The following CSMD1 variants were observed in gnomAD, a reference collection of about 807,000 sequenced individuals.
CSMD1 encodes CUB and sushi domain-containing protein 1.
CSMD1 carries 213 observed loss-of-function variants against 417.5 expected under a neutral mutation model. That is an observed-to-expected ratio of 0.51 (90% CI 0.46 to 0.57). CSMD1 has a LOEUF of 0.57. CSMD1 is among the 20% of genes least tolerant of loss of function. The pLI, the probability that CSMD1 is intolerant of heterozygous loss-of-function variation, is 0.00. For synonymous variants in CSMD1, 2,862 were observed against 1,736.8 expected (o/e 1.65, Z -16.11); for missense variants, 6,923 against 4,529.7 (o/e 1.53, Z -15.17).
At chr8:4,488,752 G>T (rs1444936015) in intron 2 of CSMD1, among the ~76,000 whole-genome samples, 6 of 151,914 alleles carry the variant, frequency 3.9e-5, no homozygotes, top group Non-Finnish European at 8.8e-5. Context: ...GCCCTCAGAA[G>T]TCAGCTATGA....
At chr8:4,092,368 C>G (rs1475233135) in intron 3 of CSMD1, among the ~76,000 whole-genome samples, 1 of 152,148 alleles carries the variant, frequency 6.6e-6, no homozygotes, top group Non-Finnish European at 1.5e-5. Context: ...CTTCAGCCAC[C>G]AGGGCTGCTG....
intron 3 of CSMD1, among the ~76,000 whole-genome samples, chr8:4,319,386 T>A (rs1313465423): frequency 6.6e-6 from 1 of 152,152 alleles, no homozygotes; most frequent in African/African-American, 2.4e-5. Context: ...ATACTGAGCC[T>A]CTGGGGCCCA....
At chr8:4,072,427 T>G (rs1193734292) in intron 3 of CSMD1, among the ~76,000 whole-genome samples, 1 of 152,220 alleles carries the variant, frequency 6.6e-6, no homozygotes, top group Non-Finnish European at 1.5e-5. Context: ...ATTATATTAT[T>G]TCAATTCTTA....
intron 3 of CSMD1, among the ~76,000 whole-genome samples, chr8:4,286,128 A>G (rs1279206653): frequency 6.6e-6 from 1 of 152,034 alleles, no homozygotes; most frequent in East Asian, 1.9e-4. Flanking sequence ...CGATATGCGC[A>G]CATAACGTTT....
chr8:4,696,690 G>C (rs1475337736), intron 1 of CSMD1, among the ~76,000 whole-genome samples: 1 of 152,146 alleles, frequency 6.6e-6, no homozygotes, highest in Non-Finnish European at 1.5e-5. Flanking sequence ...GAGAAGGTAT[G>C]ACCCATGAAG....
chr8:4,380,458 C>G (rs917150145), intron 3 of CSMD1, among the ~76,000 whole-genome samples: 5 of 152,162 alleles, frequency 3.3e-5, no homozygotes, highest in African/African-American at 9.7e-5. Context: ...ACCAGTCGGC[C>G]TCCAATCTGT....
intron 1 of CSMD1, among the ~76,000 whole-genome samples, chr8:4,977,138 T>C (rs887903162): frequency 6.6e-6 from 1 of 152,240 alleles, no homozygotes; most frequent in African/African-American, 2.4e-5. Flanking sequence ...AAAATGTTCC[T>C]ATAGTAATGA....
chr8:3,673,172 G>C (rs772142019), intron 7 of CSMD1, among the ~76,000 whole-genome samples: 3 of 152,176 alleles, frequency 2.0e-5, no homozygotes, highest in African/African-American at 4.8e-5. Flanking sequence ...TCATTAATGG[G>C]ACACAGAATC....
rs1811890710 is a variant in CSMD1, at chr8:3,052,546, T to G, written c.7576A>C (p.Lys2526Gln). 1 of 1,608,760 alleles carries G rather than the reference T, an allele frequency of 6.2e-7. No individual in the cohort carries two copies. The highest frequency in any genetic ancestry group is 1.1e-5 in the South Asian group (1 of 89,666). ...GTTGCTTGCTGGCTGGATTCAAGCT[T>G]GAAGCCCTCATGACATTCATAGACC... ...KVVYECHEGFKLESSQQATAV... is the reference protein window; with the variant it reads ...KVVYECHEGFQLESSQQATAV... The change falls in exon 50 of 70, where the codon AAG (lysine) becomes CAG (glutamine). Residue 2526 changes from lysine (K) to glutamine (Q), a missense_variant. Coordinates refer to ENST00000635120, the MANE Select transcript of CSMD1 (RefSeq NM_033225.6).
At chr8:4,270,117 G>A (rs1281339069) in intron 3 of CSMD1, among the ~76,000 whole-genome samples, 1 of 152,164 alleles carries the variant, frequency 6.6e-6, no homozygotes. Context: ...CTCTTTCTGA[G>A]ACTTTGGTTG....
intron 5 of CSMD1, among the ~76,000 whole-genome samples, chr8:3,980,489 C>T (rs1275937649): frequency 2.0e-5 from 3 of 152,098 alleles, no homozygotes; most frequent in African/African-American, 7.2e-5. Context: ...CCTCACAATT[C>T]ACTCTGCTCG....
intron 5 of CSMD1, among the ~76,000 whole-genome samples, chr8:3,908,716 A>G (rs1210907693): frequency 6.6e-6 from 1 of 152,220 alleles, no homozygotes; most frequent in African/African-American, 2.4e-5. Flanking sequence ...ATAGCAGGCC[A>G]GAGGTCTCAA....
chr8:3,909,371 G>C (rs1278692881), intron 5 of CSMD1, among the ~76,000 whole-genome samples: 1 of 152,104 alleles, frequency 6.6e-6, no homozygotes, highest in Non-Finnish European at 1.5e-5. Flanking sequence ...ACATTCGTCA[G>C]GAGGAACCCA....
chr8:3,782,791 A>G (rs7822094), intron 5 of CSMD1, among the ~76,000 whole-genome samples: 19,185 of 152,242 alleles, frequency 0.13, 1,940 homozygotes, highest in African/African-American at 0.28. Context: ...GGAATTAAAG[A>G]TAACAAATGA....
At chr8:4,035,661 A>T (rs1046188987) in intron 3 of CSMD1, among the ~76,000 whole-genome samples, 2 of 152,246 alleles carry the variant, frequency 1.3e-5, no homozygotes, top group Non-Finnish European at 2.9e-5. Context: ...CTTATGAATA[A>T]CAATATAAAT....
chr8:3,463,894 T>G (rs941144624), intron 12 of CSMD1, among the ~76,000 whole-genome samples: 1 of 152,152 alleles, frequency 6.6e-6, no homozygotes, highest in African/African-American at 2.4e-5. Context: ...CCATACACCC[T>G]AGGAGCACAG....
rs1256112740 is a variant in CSMD1, at chr8:4,581,479, G to A, written c.302+55863C>T. On this transcript the variant is annotated intron_variant, in intron 2 of 69. Coordinates refer to ENST00000635120, the MANE Select transcript of CSMD1 (RefSeq NM_033225.6). ...TATTTTGAAAACTGTTTTTGAATAT[G>A]AGATAATCTTATGTAGAAAAAGGGT... Among the ~76,000 whole-genome samples, 3 of 152,252 alleles carry A rather than the reference G, an allele frequency of 2.0e-5. No individual in the cohort carries two copies. In the East Asian group the frequency reaches 5.8e-4, roughly 29 times the overall value.
intron 5 of CSMD1, among the ~76,000 whole-genome samples, chr8:3,852,236 C>T (rs1248416466): frequency 6.6e-6 from 1 of 152,058 alleles, no homozygotes; most frequent in Admixed American, 6.5e-5. Context: ...GGAACATGCA[C>T]CAGATGTGGG....
intron 19 of CSMD1, among the ~76,000 whole-genome samples, chr8:3,368,642 A>G (rs113710320): frequency 1.3e-5 from 2 of 152,118 alleles, no homozygotes; most frequent in African/African-American, 2.4e-5. Context: ...CCTGGCCCCA[A>G]ATAGACTCTT....
Sources: gnomAD v4.1 joint callset for allele counts (sites outside exome capture counted in the v4.1 genomes callset) on GRCh38, gnomAD v4.1.1 for gene constraint, MANE v1.5 for transcripts, NCBI Gene and HGNC (gene_info 2026-07-23, HGNC 2026-07-21) for gene names.